Variants in GRM3 observed in about 807,000 individuals in gnomAD.
The protein encoded by GRM3 is glutamate metabotropic receptor 3.
Under a neutral mutation model 70.5 loss-of-function variants are expected in GRM3, and 26 were observed. That is an observed-to-expected ratio of 0.37 (90% CI 0.27 to 0.51). The LOEUF (loss-of-function observed/expected upper bound fraction) is 0.51, where lower values mean the gene tolerates loss of function less well. GRM3 is among the 20% of genes least tolerant of loss of function. GRM3 has a pLI of 0.93. For missense variants in GRM3, 859 were observed against 1,123.8 expected, an observed-to-expected ratio of 0.76 and a Z score of 3.37; for synonymous variants, 443 against 434.9, an observed-to-expected ratio of 1.02 and a Z score of -0.23.
intron 1 of GRM3, among the ~76,000 whole-genome samples, chr7:86,756,739 T>C (rs1179323174): frequency 6.6e-6 from 1 of 152,182 alleles, no homozygotes; most frequent in Non-Finnish European, 1.5e-5. Flanking sequence ...TTTGTAATCT[T>C]ATGTTTATCA....
At chr7:86,834,097 T>A (rs1798409781) in intron 3 of GRM3, among the ~76,000 whole-genome samples, 2 of 152,214 alleles carry the variant, frequency 1.3e-5, no homozygotes, top group Admixed American at 6.5e-5. Flanking sequence ...TGCTTAATTA[T>A]CTTTATACTA....
chr7:86,701,422 A>G (rs577704825), intron 1 of GRM3, among the ~76,000 whole-genome samples: 17 of 152,042 alleles, frequency 1.1e-4, no homozygotes, highest in African/African-American at 3.9e-4. Context: ...AGAGATATCA[A>G]TAATAAAAAA....
At chr7:86,803,772 G>A (rs1797732060) in intron 3 of GRM3, among the ~76,000 whole-genome samples, 1 of 152,046 alleles carries the variant, frequency 6.6e-6, no homozygotes, top group Non-Finnish European at 1.5e-5. Flanking sequence ...TTGTTTGTTT[G>A]TTTGTTTTTC....
chr7:86,680,196 A>G (rs1385083696), intron 1 of GRM3, among the ~76,000 whole-genome samples: 1 of 152,168 alleles, frequency 6.6e-6, no homozygotes, highest in Non-Finnish European at 1.5e-5. Context: ...ACCACAAAGC[A>G]TGAGGATTAC....
intron 1 of GRM3, among the ~76,000 whole-genome samples, chr7:86,646,921 T>C (rs917064587): frequency 6.6e-6 from 1 of 152,232 alleles, no homozygotes; most frequent in Non-Finnish European, 1.5e-5. Flanking sequence ...AAAAGGAGTA[T>C]AAATCCGATG....
chr7:86,698,868 C>T (rs939303510), intron 1 of GRM3, among the ~76,000 whole-genome samples: 2 of 151,982 alleles, frequency 1.3e-5, no homozygotes, highest in African/African-American at 2.4e-5. Context: ...CATTAAACCA[C>T]GTGTCTTAGA....
At chr7:86,798,828 A>G (rs1797615848) in intron 3 of GRM3, among the ~76,000 whole-genome samples, 1 of 152,134 alleles carries the variant, frequency 6.6e-6, no homozygotes, top group East Asian at 1.9e-4. Context: ...ACCCAGTGGG[A>G]GGTAATTGAA....
intron 1 of GRM3, among the ~76,000 whole-genome samples, chr7:86,722,832 AT>A (rs1249046389): frequency 4.6e-5 from 7 of 152,162 alleles, no homozygotes. Context: ...CGTTGTAAGA[AT>A]TCCATCTATT....
At chr7:86,777,010 G>C (rs1366740019) in intron 2 of GRM3, among the ~76,000 whole-genome samples, 1 of 152,168 alleles carries the variant, frequency 6.6e-6, no homozygotes, top group Non-Finnish European at 1.5e-5. Flanking sequence ...CTTCTTGTTT[G>C]TCTTGTAAGT....
chr7:86,644,354 G>A lies in GRM3; in HGVS notation c.-659G>A, dbSNP rs1793399757. 1 of 289,486 alleles carries A rather than the reference G, an allele frequency of 3.5e-6. No individual in the cohort carries two copies. Among genetic ancestry groups the A allele is most frequent in the African/African-American group, 2.3e-5 (1 of 44,174 alleles). 17.9% of individuals were successfully genotyped at this position (289,486 alleles called of 1,614,324 possible). ...GAGGGAGGAAAGAATGAAAAGGAGA[G>A]GATGCCAGGAGGTCCGTGCTTCTGC... On this transcript the variant is annotated 5_prime_UTR_variant, in exon 1 of 6. Coordinates refer to ENST00000361669, the MANE Select transcript of GRM3 (RefSeq NM_000840.3).
intron 1 of GRM3, among the ~76,000 whole-genome samples, chr7:86,646,575 T>C (rs116471495): frequency 0.013 from 2,034 of 152,144 alleles, 62 homozygotes; most frequent in African/African-American, 0.046. Context: ...ATGGCAACAA[T>C]ACCTTTTAGC....
At chr7:86,726,545 T>C (rs1211699748) in intron 1 of GRM3, among the ~76,000 whole-genome samples, 2 of 152,210 alleles carry the variant, frequency 1.3e-5, no homozygotes, top group Non-Finnish European at 2.9e-5. Context: ...CCAAATTCTT[T>C]TCTGAATCTG....
intron 2 of GRM3, among the ~76,000 whole-genome samples, chr7:86,766,713 G>C (rs530841697): frequency 1.3e-5 from 2 of 152,016 alleles, no homozygotes; most frequent in Admixed American, 6.6e-5. Flanking sequence ...TTTCTGATTA[G>C]AGCATTAATG....
chr7:86,758,156 T>C (rs1272620315), intron 1 of GRM3, among the ~76,000 whole-genome samples: 2 of 152,172 alleles, frequency 1.3e-5, no homozygotes, highest in African/African-American at 4.8e-5. Flanking sequence ...GAAGAGTTAA[T>C]TCACTATGCA....
intron 3 of GRM3, among the ~76,000 whole-genome samples, chr7:86,788,971 T>C (rs1232835570): frequency 1.3e-5 from 2 of 152,210 alleles, no homozygotes; most frequent in Admixed American, 1.3e-4. Flanking sequence ...AACCAAAACA[T>C]GTTCCTTCAT....
chr7:86,677,502 G>A (rs1165887307), intron 1 of GRM3, among the ~76,000 whole-genome samples: 1 of 151,942 alleles, frequency 6.6e-6, no homozygotes, highest in Non-Finnish European at 1.5e-5. Flanking sequence ...CCAAACCTGT[G>A]CAAGATATGT....
chr7:86,846,148 A>T (rs921576569), intron 4 of GRM3, among the ~76,000 whole-genome samples: 2 of 152,162 alleles, frequency 1.3e-5, no homozygotes, highest in Non-Finnish European at 2.9e-5. Flanking sequence ...ACTGTAAACC[A>T]ATCCAGGTGA....
chr7:86,771,226 T>G (rs1796731377), intron 2 of GRM3, among the ~76,000 whole-genome samples: 1 of 152,090 alleles, frequency 6.6e-6, no homozygotes, highest in Non-Finnish European at 1.5e-5. Flanking sequence ...ACAAGGCATT[T>G]AAGGGTATTT....
chr7:86,662,897 A>AT (rs58564073), intron 1 of GRM3, among the ~76,000 whole-genome samples: 52 of 151,128 alleles, frequency 3.4e-4, no homozygotes, highest in African/African-American at 8.7e-4. Context: ...CTCCATTTAG[A>AT]TTTTTTTTTG....
Sources: gnomAD v4.1 joint callset for allele counts (sites outside exome capture counted in the v4.1 genomes callset) on GRCh38, gnomAD v4.1.1 for gene constraint, MANE v1.5 for transcripts, NCBI Gene and HGNC (gene_info 2026-07-23, HGNC 2026-07-21) for gene names.